Variants in MDGA2 observed in about 807,000 individuals in gnomAD.
MDGA2 encodes the protein MAM domain-containing glycosylphosphatidylinositol anchor protein 2.
A neutral mutation model predicts 117.8 loss-of-function variants in MDGA2; 40 were observed. The observed-to-expected ratio is 0.34, with a 90% CI of 0.26 to 0.44. The LOEUF is 0.44. Ranked by LOEUF, MDGA2 falls within the 20% of genes least tolerant of loss-of-function variation. MDGA2 has a pLI of 1.00. For synonymous variants in MDGA2, 452 were observed against 439.0 expected (o/e 1.03, Z -0.37); for missense variants, 1,123 against 1,250.6 (o/e 0.90, Z 1.54).
At position 47,552,912 on chromosome 14, in the gene MDGA2, G is replaced by T. The variant is rs181205458; in HGVS notation, c.280+121605C>A. Among the ~76,000 whole-genome samples, 351 of 152,244 alleles carry T rather than the reference G, an allele frequency of 2.3e-3. 1 individual carries two copies. The highest frequency in any genetic ancestry group is 7.9e-3 in the African/African-American group (330 of 41,558). On this transcript the variant is annotated intron_variant, in intron 1 of 16. Coordinates refer to ENST00000399232, the MANE Select transcript of MDGA2 (RefSeq NM_001113498.3). ...TACTTACGTTCCTTCCCCATGGATT[G>T]CTTTTCCCTCAGCTATCTGCTGGCT...
chr14:46,931,840 T>C lies in MDGA2; in HGVS notation c.2090-11680A>G, dbSNP rs144226961. Reference sequence around the variant, plus strand: ...ACCCAGCCTACTTTTGTTACTATAATTGAGAAATGTAATCAATTTAATTGT... The same window carrying C: ...ACCCAGCCTACTTTTGTTACTATAACTGAGAAATGTAATCAATTTAATTGT... On this transcript the variant is annotated intron_variant, in intron 9 of 16. Transcript: ENST00000399232. Among the ~76,000 whole-genome samples the C allele has an allele frequency of 1.6e-3, 242 of 152,188 alleles. 1 individual carries two copies. Among genetic ancestry groups the C allele is most frequent in the South Asian group, 0.013 (65 of 4,822 alleles).
At chr14:47,299,788 C>A (rs571267986) in intron 2 of MDGA2, among the ~76,000 whole-genome samples, 2 of 151,962 alleles carry the variant, frequency 1.3e-5, no homozygotes, top group African/African-American at 4.8e-5. Flanking sequence ...TTCTATCAAG[C>A]GTAATTATCC....
intron 8 of MDGA2, among the ~76,000 whole-genome samples, chr14:47,027,375 C>G (rs1227033424): frequency 1.3e-5 from 2 of 152,024 alleles, no homozygotes; most frequent in African/African-American, 4.8e-5. Flanking sequence ...TAATTTGTAC[C>G]TTTAATCATT....
intron 1 of MDGA2, among the ~76,000 whole-genome samples, chr14:47,319,828 T>A (rs530633387): frequency 1.3e-5 from 2 of 152,262 alleles, no homozygotes; most frequent in African/African-American, 4.8e-5. Flanking sequence ...AAAAGAGAAA[T>A]GCTGGAGTCT....
chr14:46,961,618 CA>C (rs1885811859), intron 8 of MDGA2, among the ~76,000 whole-genome samples: 1 of 151,792 alleles, frequency 6.6e-6, no homozygotes, highest in Non-Finnish European at 1.5e-5. Context: ...TTTCTTTAAA[CA>C]AAGTAATTGT....
chr14:47,181,567 C>A (rs979826216), intron 3 of MDGA2, among the ~76,000 whole-genome samples: 1 of 152,204 alleles, frequency 6.6e-6, no homozygotes, highest in Non-Finnish European at 1.5e-5. Flanking sequence ...TACTTAATCA[C>A]AAATACATTA....
At chr14:47,386,709 G>A (rs7143748) in intron 1 of MDGA2, among the ~76,000 whole-genome samples, 1 of 151,734 alleles carries the variant, frequency 6.6e-6, no homozygotes, top group South Asian at 2.1e-4. Context: ...ATAATAATAA[G>A]AAGAAGAATC....
intron 3 of MDGA2, among the ~76,000 whole-genome samples, chr14:47,209,428 G>A (rs1885804043): frequency 1.3e-5 from 2 of 152,116 alleles, no homozygotes; most frequent in Non-Finnish European, 2.9e-5. Context: ...AACAGGTGCA[G>A]AGCAACTGAG....
chr14:47,370,593 T>C (rs1891334835), intron 1 of MDGA2, among the ~76,000 whole-genome samples: 1 of 149,030 alleles, frequency 6.7e-6, no homozygotes, highest in Non-Finnish European at 1.5e-5. Context: ...TTTTAAACAG[T>C]ATCCACATGT....
chr14:47,497,470 C>T (rs1360826515), intron 1 of MDGA2, among the ~76,000 whole-genome samples: 14 of 152,204 alleles, frequency 9.2e-5, no homozygotes, highest in Admixed American at 6.5e-4. Flanking sequence ...GTTGGCCAGG[C>T]TGGTCTCGAA....
intron 3 of MDGA2, among the ~76,000 whole-genome samples, chr14:47,187,719 C>G (rs1266273301): frequency 1.3e-5 from 2 of 151,970 alleles, no homozygotes; most frequent in Non-Finnish European, 2.9e-5. Context: ...AACATTTATT[C>G]ATGGGAACAC....
intron 1 of MDGA2, among the ~76,000 whole-genome samples, chr14:47,650,957 T>A (rs1461285035): frequency 6.6e-6 from 1 of 152,198 alleles, no homozygotes; most frequent in Non-Finnish European, 1.5e-5. Context: ...ATAATTATCT[T>A]ACTTGGTGTT....
At chr14:46,873,065 A>C (rs35482016) in intron 14 of MDGA2, among the ~76,000 whole-genome samples, 29,451 of 151,916 alleles carry the variant, frequency 0.19, 3,452 homozygotes, top group South Asian at 0.38. Context: ...CAACATGACA[A>C]TATTACTTTT....
chr14:47,533,675 C>T (rs1174857271), intron 1 of MDGA2, among the ~76,000 whole-genome samples: 1 of 152,196 alleles, frequency 6.6e-6, no homozygotes, highest in Non-Finnish European at 1.5e-5. Flanking sequence ...GACCTCATTA[C>T]ACTGACTGTG....
intron 1 of MDGA2, among the ~76,000 whole-genome samples, chr14:47,664,134 A>G (rs147731638): frequency 3.5e-4 from 53 of 152,336 alleles, no homozygotes; most frequent in Middle Eastern, 3.4e-3. Context: ...AGAAAGGGAG[A>G]CTAGCATAAG....
At chr14:47,200,535 T>TTTC (rs1555362712) in intron 3 of MDGA2, 9 of 184,646 alleles carry the variant, frequency 4.9e-5, no homozygotes, top group East Asian at 1.8e-4. Flanking sequence ...TTTTCTTTTC[T>TTTC]TTTTTTTTTT....
At chr14:47,636,261 G>T (rs544759131) in intron 1 of MDGA2, among the ~76,000 whole-genome samples, 52 of 152,160 alleles carry the variant, frequency 3.4e-4, no homozygotes, top group African/African-American at 1.2e-3. Flanking sequence ...AAAGGTAAAA[G>T]AATATTAATT....
chr14:47,421,382 T>G (rs1391608338), intron 1 of MDGA2, among the ~76,000 whole-genome samples: 3 of 152,150 alleles, frequency 2.0e-5, no homozygotes, highest in African/African-American at 7.2e-5. Context: ...GCATCACAGA[T>G]GGTCAAACAA....
chr14:47,267,732 AT>A (rs1888013708), intron 2 of MDGA2, among the ~76,000 whole-genome samples: 1 of 152,122 alleles, frequency 6.6e-6, no homozygotes, highest in South Asian at 2.1e-4. Flanking sequence ...TTAAACTTAA[AT>A]TTTGTCCACT....
Sources: allele counts gnomAD v4.1 joint callset (sites outside exome capture counted in the v4.1 genomes callset), GRCh38; gene constraint gnomAD v4.1.1; transcripts MANE v1.5; gene names NCBI Gene and HGNC (gene_info 2026-07-23, HGNC 2026-07-21).